WNK1: variants seen among roughly 807,000 people sequenced by gnomAD.
The protein encoded by WNK1 is WNK lysine deficient protein kinase 1, also known as serine/threonine-protein kinase WNK1.
A neutral mutation model predicts 222.8 loss-of-function variants in WNK1; 38 were observed. The ratio of observed to expected loss-of-function variants is 0.17; its 90% CI spans 0.13 to 0.22. The LOEUF is 0.22. Ranked by LOEUF, WNK1 falls within the 10% of genes least tolerant of loss-of-function variation. WNK1 has a pLI of 1.00. For missense variants in WNK1, 2,348 were observed against 2,918.4 expected (o/e 0.80, Z 4.50); for synonymous variants, 1,090 against 1,092.9 (o/e 1.00, Z 0.05).
intron 1 of WNK1, among the ~76,000 whole-genome samples, chr12:805,016 C>G (rs992865047): frequency 6.7e-6 from 1 of 148,366 alleles, no homozygotes; most frequent in Non-Finnish European, 1.5e-5. Context: ...ATTTTGTTTT[C>G]TGTTCATTTG....
intron 26 of WNK1, among the ~76,000 whole-genome samples, chr12:904,763 G>A (rs554075040): frequency 2.0e-5 from 3 of 152,276 alleles, no homozygotes; most frequent in Non-Finnish European, 4.4e-5. Context: ...TAGTTCCTAT[G>A]GGAGAGCGAT....
chr12:829,843 A>G, intron 3 of WNK1, 160 bp from the exon 4 acceptor site: 3 of 715,988 alleles, frequency 4.2e-6, no homozygotes, highest in Non-Finnish European at 7.3e-6. Flanking sequence ...GATGGAACAG[A>G]CTGACTGAGA....
chr12:755,868 G>A (rs1217072164), intron 1 of WNK1, among the ~76,000 whole-genome samples: 1 of 152,154 alleles, frequency 6.6e-6, no homozygotes, highest in Admixed American at 6.5e-5. Flanking sequence ...CCAACTACTC[G>A]GGAGGCTGAG....
chr12:829,927 C>T, intron 3 of WNK1, 76 bp from the exon 4 acceptor site: 1 of 1,525,148 alleles, frequency 6.6e-7, no homozygotes, highest in Non-Finnish European at 9.1e-7. Flanking sequence ...CAGGTCAACC[C>T]CTCTGCTTCT....
chr12:887,244 T>A lies in WNK1; in HGVS notation c.5304T>A (p.Leu1768=). 6.2e-7 allele frequency: 1 copy of A among 1,614,216 alleles called. No individual in the cohort carries two copies. Among genetic ancestry groups the A allele is most frequent in the Non-Finnish European group, 8.5e-7 (1 of 1,180,024 alleles). ...KAPVLPVGTE[L]PAGTLPSEQL... is the part of the protein sequence containing the mutation. ...AGGTGCTGCCAGTGGGTACTGAACT[T>A]CCAGCAGGTACTCTACCCAGCGAGC... Residue 1768 remains leucine (L), a synonymous_variant, in exon 20 of 28, where the codon CTT becomes CTA. Transcript: ENST00000315939.
chr12:862,350 C>G (rs1592064619), intron 8 of WNK1, 80 bp downstream of exon 8: 4 of 1,453,684 alleles, frequency 2.8e-6, no homozygotes, highest in Non-Finnish European at 3.8e-6. Flanking sequence ...TTTGTACAAA[C>G]CAAGTAACAG....
At chr12:892,363 G>A (rs1208094140) in intron 22 of WNK1, among the ~76,000 whole-genome samples, 1 of 151,982 alleles carries the variant, frequency 6.6e-6, no homozygotes, top group Non-Finnish European at 1.5e-5. Context: ...AAGTAGCAAT[G>A]GACAATACAT....
In WNK1 at chr12:781,954, C is replaced by T. The variant is rs542836838; in HGVS notation, c.759+27630C>T. Reference sequence around the variant, plus strand: ...AATCCAATGATTAAAATGAAGTTTTCTGGCAATATTAATATTTGTGTGAAT... The same window carrying T: ...AATCCAATGATTAAAATGAAGTTTTTTGGCAATATTAATATTTGTGTGAAT... On this transcript the variant is annotated intron_variant, in intron 1 of 27. Coordinates refer to ENST00000315939, the MANE Select transcript of WNK1 (RefSeq NM_018979.4). Among the ~76,000 whole-genome samples, 45 of 152,146 alleles carry T rather than the reference C, an allele frequency of 3.0e-4. 1 individual carries two copies. Among genetic ancestry groups the T allele is most frequent in the African/African-American group, 1.0e-3 (42 of 41,534 alleles).
rs776531520 is a variant in WNK1 at position 885,902 on chromosome 12, A to G, written c.5098A>G (p.Ser1700Gly). The G allele has an allele frequency of 5.0e-6, 8 of 1,609,294 alleles. No individual in the cohort carries two copies. The highest frequency in any genetic ancestry group is 4.4e-5 in the South Asian group (4 of 90,818). ...PGIPTTAVAPSKLLTSTTSTC... is the reference protein window; with the variant it reads ...PGIPTTAVAPGKLLTSTTSTC... Reference sequence around the variant, plus strand: ...CATCCCAACTACTGCTGTTGCACCAAGCAAACTCCTGACTTCTACCACAAG... The same window carrying G: ...CATCCCAACTACTGCTGTTGCACCAGGCAAACTCCTGACTTCTACCACAAG... The change falls in exon 19 of 28, where the codon AGC becomes GGC. Residue 1700 changes from serine to glycine, a missense_variant. Ser to Gly is a moderately conservative substitution (Grantham distance 56). This residue lies in a region of WNK1 where 1,144 missense variants were observed against 1,273.6 expected (regional missense o/e 0.90). Transcript: ENST00000315939.
At chr12:777,951 G>T (rs1943290655) in intron 1 of WNK1, among the ~76,000 whole-genome samples, 1 of 152,134 alleles carries the variant, frequency 6.6e-6, no homozygotes, top group African/African-American at 2.4e-5. Context: ...CAAAACTTTG[G>T]CAGTGGATGC....
intron 1 of WNK1, among the ~76,000 whole-genome samples, chr12:796,067 T>C (rs1056523114): frequency 3.9e-5 from 6 of 152,098 alleles, no homozygotes; most frequent in African/African-American, 1.4e-4. Context: ...AGAGACAGGG[T>C]TTCACCATGT....
Position 776,158 on chromosome 12 carries a change from C to T in WNK1, c.759+21834C>T, listed in dbSNP as rs563226052. Among the ~76,000 whole-genome samples, 5 of 152,138 alleles carry T rather than the reference C, an allele frequency of 3.3e-5. No homozygotes were observed. In the South Asian group the frequency reaches 8.3e-4, roughly 25 times the overall value. On this transcript the variant is annotated intron_variant, in intron 1 of 27. Coordinates refer to ENST00000315939, the MANE Select transcript of WNK1 (RefSeq NM_018979.4). ...AAGCAGTCCTTCCCCTTTAGCCTCCCGAGTAGCTGGGACTACAGGCATGTA... is the reference window on the plus strand; with the variant it reads ...AAGCAGTCCTTCCCCTTTAGCCTCCTGAGTAGCTGGGACTACAGGCATGTA...
intron 10 of WNK1, 119 bp downstream of exon 10, chr12:878,480 TAACCA>T: frequency 8.7e-7 from 1 of 1,147,684 alleles, no homozygotes; most frequent in Non-Finnish European, 1.3e-6. Flanking sequence ...CTTCTAAGGG[TAACCA>T]ACCCTTGAAG....
Position 822,087 on chromosome 12 carries a change from C to CTTTTT in WNK1, c.933-4935_933-4931dup, listed in dbSNP as rs376271992. Among the ~76,000 whole-genome samples the CTTTTT allele has an allele frequency of 1.7e-3, 123 of 71,466 alleles. 1 individual carries two copies. The highest frequency in any genetic ancestry group is 1.9e-3 in the Non-Finnish European group (78 of 40,294). 46.9% of individuals were successfully genotyped at this position (71,466 alleles called of 152,430 possible). A position where few individuals can be genotyped will look rare whatever the true frequency, so the allele number is the denominator to read the frequency against. ...TGTTTGTTTTCTGTATGTCTTATACCTTTTTTTTTTTTTTTTTTTTTTTTG... is the reference window on the plus strand; with the variant it reads ...TGTTTGTTTTCTGTATGTCTTATACCTTTTTTTTTTTTTTTTTTTTTTTTTTTTTG... On this transcript the variant is annotated intron_variant, in intron 2 of 27. Transcript: ENST00000315939.
intron 2 of WNK1, among the ~76,000 whole-genome samples, chr12:820,406 C>T (rs1947748934): frequency 7.0e-6 from 1 of 142,222 alleles, no homozygotes; most frequent in South Asian, 2.2e-4. Context: ...CAGTCTTGTA[C>T]TTTTGTAACT....
intron 2 of WNK1, among the ~76,000 whole-genome samples, chr12:817,303 T>G (rs1370894123): frequency 6.6e-6 from 1 of 152,116 alleles, no homozygotes; most frequent in Non-Finnish European, 1.5e-5. Context: ...GCCTCTGCAC[T>G]CCAGCCTGGG....
At chr12:833,115 C>T (rs1456094063) in intron 4 of WNK1, among the ~76,000 whole-genome samples, 1 of 149,952 alleles carries the variant, frequency 6.7e-6, no homozygotes, top group South Asian at 2.1e-4. Flanking sequence ...TATTTGATTT[C>T]TTGTTTTTTA....
chr12:838,079 GTGT>G (rs1949340077), intron 4 of WNK1, among the ~76,000 whole-genome samples: 1 of 594 alleles, frequency 1.7e-3, no homozygotes, highest in Non-Finnish European at 0.038. Context: ...TAATATTCCA[GTGT>G]GTGTGTGTGT....
In WNK1 at chr12:884,866, A is replaced by G. The variant is rs769820760; in HGVS notation, c.4062A>G (p.Ala1354=). The part of the protein sequence containing the change: ...AGVPTTAAAT[A]PVPATSSPPN... The stretch of plus-strand genomic sequence containing the variant: ...TCCCAACCACAGCAGCAGCCACAGC[A>G]CCAGTCCCTGCAACAAGCAGCCCTC... Residue 1354 remains alanine, a synonymous_variant, in exon 19 of 28, where the codon GCA becomes GCG. Coordinates refer to ENST00000315939, the MANE Select transcript of WNK1 (RefSeq NM_018979.4). This position sits in a 1 kb window ranked among gnomAD's most constrained non-coding sequence, Gnocchi z 5.6. 1.9e-5 allele frequency: 30 copies of G among 1,614,166 alleles called. No individual in the cohort carries two copies. The highest frequency in any genetic ancestry group is 2.5e-5 in the Non-Finnish European group (30 of 1,180,028).
Sources: allele counts gnomAD v4.1 joint callset (sites outside exome capture counted in the v4.1 genomes callset), GRCh38; gene constraint gnomAD v4.1.1; regional missense constraint gnomAD v4.1.1; non-coding constraint Gnocchi (gnomAD v3.1); transcripts MANE v1.5; gene names NCBI Gene and HGNC (gene_info 2026-07-23, HGNC 2026-07-21).